Variants in DCC observed in about 807,000 individuals in gnomAD.
DCC encodes DCC netrin 1 receptor, also known as netrin receptor DCC.
In DCC, 58 loss-of-function variants were observed where a neutral mutation model predicts 172.5. The observed-to-expected ratio is 0.34, with a 90% CI of 0.27 to 0.42. The LOEUF (loss-of-function observed/expected upper bound fraction) is 0.42, where lower values mean the gene tolerates loss of function less well. DCC is among the 10% of genes least tolerant of loss of function. DCC has a pLI of 1.00. For synonymous variants in DCC, 709 were observed against 644.5 expected (o/e 1.10, Z -1.52); for missense variants, 1,740 against 1,791.0 (o/e 0.97, Z 0.51).
rs5824940 is a variant in DCC, at chr18:52,487,810, CAAAAA to C, written c.91+146954_91+146958del. 5.6e-3 allele frequency among the ~76,000 whole-genome samples: 420 copies of C among 74,372 alleles called. 1 individual carries two copies. The highest frequency in any genetic ancestry group is 0.014 in the African/African-American group (238 of 17,472). 48.8% of individuals were successfully genotyped at this position (74,372 alleles called of 152,430 possible). A position where few individuals can be genotyped will look rare whatever the true frequency, so the allele number is the denominator to read the frequency against. ...TGGGTGACAGAGTGAGACTCCACCT[CAAAAA>C]AAAAAAAAAAAAAAAAAAAAATTGG... On this transcript the variant is annotated intron_variant, in intron 1 of 28. Coordinates refer to ENST00000442544, the MANE Select transcript of DCC (RefSeq NM_005215.4).
chr18:52,894,424 T>C (rs935962326), intron 2 of DCC, among the ~76,000 whole-genome samples: 1 of 150,922 alleles, frequency 6.6e-6, no homozygotes, highest in African/African-American at 2.4e-5. Flanking sequence ...CACACATGCA[T>C]ACACACAATA....
intron 12 of DCC, chr18:53,237,129 T>G (rs912688032): frequency 6.6e-6 from 1 of 152,614 alleles, no homozygotes; most frequent in African/African-American, 2.4e-5. Flanking sequence ...GATCTTTATA[T>G]ATATGATCAT....
intron 9 of DCC, among the ~76,000 whole-genome samples, chr18:53,187,678 A>C (rs914139752): frequency 1.3e-5 from 2 of 152,180 alleles, no homozygotes; most frequent in African/African-American, 4.8e-5. Flanking sequence ...TGAATTTTAC[A>C]TGTTACATAA....
At chr18:52,782,048 A>G (rs80152246) in intron 2 of DCC, among the ~76,000 whole-genome samples, 381 of 152,308 alleles carry the variant, frequency 2.5e-3, no homozygotes, top group African/African-American at 8.4e-3. Context: ...CCATTTTCCC[A>G]TAAAGACAGT....
chr18:53,244,668 C>G (rs139437165), intron 12 of DCC, among the ~76,000 whole-genome samples: 62 of 152,148 alleles, frequency 4.1e-4, no homozygotes, highest in Non-Finnish European at 7.4e-4. Flanking sequence ...GTGGCCTCTC[C>G]TTGAGGCTTG....
At chr18:52,508,291 T>G (rs1006454272) in intron 1 of DCC, among the ~76,000 whole-genome samples, 9 of 152,128 alleles carry the variant, frequency 5.9e-5, no homozygotes, top group African/African-American at 1.9e-4. Context: ...TATAGATGTA[T>G]TGGGTGGAGT....
intron 2 of DCC, among the ~76,000 whole-genome samples, chr18:52,811,578 GTAAC>G (rs1568119335): frequency 6.7e-6 from 1 of 150,328 alleles, no homozygotes; most frequent in Admixed American, 6.6e-5. Flanking sequence ...ATTAAATTGA[GTAAC>G]TGGTGAAAGT....
chr18:52,459,644 A>G (rs1163688567), intron 1 of DCC, among the ~76,000 whole-genome samples: 2 of 151,080 alleles, frequency 1.3e-5, no homozygotes, highest in Non-Finnish European at 3.0e-5. Flanking sequence ...ATTTTTTTGT[A>G]TTTTTTAGTA....
intron 15 of DCC, among the ~76,000 whole-genome samples, chr18:53,365,606 G>A (rs200202720): frequency 8.5e-5 from 13 of 152,254 alleles, no homozygotes; most frequent in African/African-American, 2.4e-4. Context: ...AGGAAGAGAC[G>A]AGGAATGTGT....
intron 1 of DCC, among the ~76,000 whole-genome samples, chr18:52,464,825 C>T (rs1050588012): frequency 2.0e-5 from 3 of 151,786 alleles, no homozygotes; most frequent in Non-Finnish European, 2.9e-5. Flanking sequence ...CGACTTTTTC[C>T]TGGAGCAACA....
chr18:53,011,395 C>A (rs1011562636), intron 5 of DCC, among the ~76,000 whole-genome samples: 1 of 151,478 alleles, frequency 6.6e-6, no homozygotes, highest in African/African-American at 2.4e-5. Context: ...GTATTTTCCT[C>A]CTCATATTTA....
At chr18:52,667,195 C>T (rs1216063019) in intron 1 of DCC, among the ~76,000 whole-genome samples, 1 of 152,150 alleles carries the variant, frequency 6.6e-6, no homozygotes, top group Non-Finnish European at 1.5e-5. Context: ...TTTGTCGCTT[C>T]AGCCTAGCAG....
chr18:52,898,240 A>G (rs1392852757), intron 2 of DCC, among the ~76,000 whole-genome samples: 1 of 152,190 alleles, frequency 6.6e-6, no homozygotes, highest in Non-Finnish European at 1.5e-5. Context: ...AATGAACTTT[A>G]ATTACTTAAT....
chr18:53,190,672 C>A (rs1171764318), intron 9 of DCC, among the ~76,000 whole-genome samples: 3 of 152,082 alleles, frequency 2.0e-5, no homozygotes, highest in Non-Finnish European at 2.9e-5. Flanking sequence ...CTCAGCAGGG[C>A]GTAGTGGTTC....
intron 12 of DCC, among the ~76,000 whole-genome samples, chr18:53,233,275 C>T (rs992916527): frequency 2.6e-5 from 4 of 152,154 alleles, no homozygotes; most frequent in African/African-American, 9.7e-5. Flanking sequence ...CCTGTAGTGT[C>T]CTCCCTATTT....
At chr18:53,311,101 T>TTTTA (rs1219601335) in intron 13 of DCC, among the ~76,000 whole-genome samples, 2 of 145,212 alleles carry the variant, frequency 1.4e-5, no homozygotes, top group Non-Finnish European at 3.0e-5. Flanking sequence ...TTTTATTTTA[T>TTTTA]TTCATTTATT....
At chr18:52,733,892 A>G (rs2036684810) in intron 1 of DCC, among the ~76,000 whole-genome samples, 1 of 152,166 alleles carries the variant, frequency 6.6e-6, no homozygotes, top group African/African-American at 2.4e-5. Flanking sequence ...TTCAAATTTA[A>G]CTGAAAATCC....
chr18:53,254,275 T>A (rs188989959), intron 12 of DCC, among the ~76,000 whole-genome samples: 1 of 152,030 alleles, frequency 6.6e-6, no homozygotes. Context: ...GGGAATCCAC[T>A]CAGCACACTT....
chr18:53,360,589 T>TA (rs2057935173), intron 15 of DCC, among the ~76,000 whole-genome samples: 1 of 152,162 alleles, frequency 6.6e-6, no homozygotes, highest in African/African-American at 2.4e-5. Context: ...ATAAATCATT[T>TA]AAAAAATAGA....
Sources: allele counts gnomAD v4.1 joint callset (sites outside exome capture counted in the v4.1 genomes callset), GRCh38; gene constraint gnomAD v4.1.1; transcripts MANE v1.5; gene names NCBI Gene and HGNC (gene_info 2026-07-23, HGNC 2026-07-21).